Variants in NPAT observed in about 807,000 individuals in gnomAD.
NPAT encodes nuclear protein, coactivator of histone transcription.
A neutral mutation model predicts 130.7 loss-of-function variants in NPAT; 52 were observed. That is an observed-to-expected ratio of 0.40 (90% CI 0.32 to 0.50). The LOEUF is 0.50. Among genes scored for constraint, NPAT ranks in the 20% least tolerant of loss-of-function variants. The pLI, the probability that NPAT is intolerant of heterozygous loss-of-function variation, is 0.68. For synonymous variants in NPAT, 580 were observed against 584.8 expected (o/e 0.99, Z 0.12); for missense variants, 1,687 against 1,662.6 (o/e 1.01, Z -0.26).
intron 1 of NPAT, among the ~76,000 whole-genome samples, chr11:108,207,060 C>T (rs1247282054): frequency 6.6e-6 from 1 of 151,546 alleles, no homozygotes; most frequent in Non-Finnish European, 1.5e-5. Context: ...GTGTCCAACT[C>T]TCAGTGAATA....
chr11:108,168,092 G>A (rs913479144), intron 15 of NPAT, among the ~76,000 whole-genome samples: 1 of 152,102 alleles, frequency 6.6e-6, no homozygotes, highest in African/African-American at 2.4e-5. Context: ...GGGAAGCAGG[G>A]AAAATAATGG....
intron 13 of NPAT, chr11:108,171,124 A>ATTTTTT (rs63478164): frequency 4.2e-5 from 4 of 95,832 alleles, no homozygotes; most frequent in Admixed American, 1.5e-4. Context: ...TGAAAAAAGG[A>ATTTTTT]TTTTTTTTTT....
intron 1 of NPAT, among the ~76,000 whole-genome samples, chr11:108,201,913 T>G (rs1221066672): frequency 6.6e-6 from 1 of 152,108 alleles, no homozygotes; most frequent in Non-Finnish European, 1.5e-5. Flanking sequence ...TGAAGAAACC[T>G]CCTTAGAGAA....
intron 15 of NPAT, among the ~76,000 whole-genome samples, chr11:108,164,082 AG>A (rs2077878593): frequency 1.3e-5 from 2 of 152,236 alleles, no homozygotes; most frequent in African/African-American, 4.8e-5. Context: ...GAAGCAGAAT[AG>A]GTTATGTACT....
At chr11:108,217,999 TAAATA>T (rs2078449772) in intron 1 of NPAT, among the ~76,000 whole-genome samples, 1 of 152,088 alleles carries the variant, frequency 6.6e-6, no homozygotes, top group Non-Finnish European at 1.5e-5. Context: ...TCTCAAGAAA[TAAATA>T]AATAAAATAG....
chr11:108,168,306 G>T (rs1285350183), intron 15 of NPAT, among the ~76,000 whole-genome samples: 1 of 152,162 alleles, frequency 6.6e-6, no homozygotes, highest in Non-Finnish European at 1.5e-5. Context: ...AAAGTCCACT[G>T]ATAGGACATA....
In NPAT at chr11:108,168,134, G is replaced by A. The variant is rs75176448; in HGVS notation, c.3010+1610C>T. Among the ~76,000 whole-genome samples, 1,102 of 152,150 alleles carry A rather than the reference G, an allele frequency of 7.2e-3. 5 individuals carry two copies. The highest frequency in any genetic ancestry group is 0.013 in the Non-Finnish European group (887 of 68,000). On this transcript the variant is annotated intron_variant, in intron 15 of 17. Coordinates refer to ENST00000278612, the MANE Select transcript of NPAT (RefSeq NM_002519.3). ...TATAAATTTTCTTCTCTATGACTCA[G>A]AAATTCTGGGTCATAGAGAAGATAT... is the stretch of plus-strand genomic sequence containing the variant.
At position 108,199,583 on chromosome 11, in the gene NPAT, G is replaced by A. The variant is rs616581; in HGVS notation, c.38-2163C>T. Among the ~76,000 whole-genome samples the A allele has an allele frequency of 5.1e-3, 779 of 152,260 alleles. 11 individuals are homozygous for A. The highest frequency in any genetic ancestry group is 0.018 in the African/African-American group (744 of 41,550). On this transcript the variant is annotated intron_variant, in intron 1 of 17. Transcript: ENST00000278612. The stretch of plus-strand genomic sequence containing the variant: ...TCACATTTTTTTTCCAAAAACGGAT[G>A]AAGCACTGGGCCTCTGTCAGCCAGT...
chr11:108,195,467 T>G (rs909962116), intron 2 of NPAT, among the ~76,000 whole-genome samples: 5 of 152,242 alleles, frequency 3.3e-5, no homozygotes, highest in African/African-American at 1.2e-4. Context: ...GAAGATCTTT[T>G]CATATGCTTA....
intron 15 of NPAT, among the ~76,000 whole-genome samples, chr11:108,164,216 T>C (rs986223777): frequency 3.3e-5 from 5 of 152,164 alleles, no homozygotes; most frequent in African/African-American, 1.2e-4. Flanking sequence ...TGGAATAGTT[T>C]GAAGGAGGAA....
intron 12 of NPAT, 70 bp from the exon 13 acceptor site, chr11:108,173,921 T>C (rs767198548): frequency 9.4e-6 from 13 of 1,376,970 alleles, no homozygotes; most frequent in Admixed American, 3.4e-5. Context: ...ATTTTTGCCA[T>C]AAAACTTATT....
intron 6 of NPAT, among the ~76,000 whole-genome samples, chr11:108,188,857 T>C (rs1019568905): frequency 1.3e-5 from 2 of 152,154 alleles, no homozygotes; most frequent in African/African-American, 4.8e-5. Context: ...TTTCTCTTAA[T>C]GCCAAAAATT....
chr11:108,197,328 C>G lies in NPAT; in HGVS notation c.130G>C (p.Glu44Gln), dbSNP rs754673164. The G allele has an allele frequency of 6.2e-7, 1 of 1,609,614 alleles. No individual in the cohort carries two copies. Among genetic ancestry groups the G allele is most frequent in the South Asian group, 1.1e-5 (1 of 90,988 alleles). Residue 44 changes from glutamate to glutamine, a missense_variant, in exon 2 of 18, where the codon GAA becomes CAA. Around this residue, in one of 3 missense-constraint regions of NPAT, gnomAD observed 307 missense variants for 298.9 expected, o/e 1.03. Transcript: ENST00000278612. ...AGTAAGCAGGCTGGAATAAACCCTTCATCTGTACAATGTTCTGCATATTCT... is the reference window on the plus strand; with the variant it reads ...AGTAAGCAGGCTGGAATAAACCCTTGATCTGTACAATGTTCTGCATATTCT... The part of the protein sequence containing the change: ...LKEYAEHCTD[E>Q]GFIPACLLSL...
chr11:108,170,059 T>G lies in NPAT; in HGVS notation c.2786-16A>C. ...ATGGCAGATCCTAAAAAAACAATTC[T>G]TGTTAAAAAAAGATTTTCTCTGAAA... On this transcript the variant is annotated splice_polypyrimidine_tract_variant and intron_variant, in intron 13 of 17. Transcript: ENST00000278612. The G allele has an allele frequency of 1.3e-6, 2 of 1,536,810 alleles. No individual in the cohort carries two copies. Among genetic ancestry groups the G allele is most frequent in the Non-Finnish European group, 1.8e-6 (2 of 1,110,184 alleles).
intron 7 of NPAT, among the ~76,000 whole-genome samples, chr11:108,187,805 G>T (rs778169908): frequency 6.6e-6 from 1 of 151,996 alleles, no homozygotes; most frequent in Admixed American, 6.6e-5. Flanking sequence ...AAAAAACATG[G>T]ATTGCAAAAA....
intron 12 of NPAT, 123 bp from the exon 13 acceptor site, chr11:108,173,974 G>T: frequency 3.7e-6 from 3 of 817,882 alleles, no homozygotes; most frequent in South Asian, 2.9e-5. Flanking sequence ...GTAAGTGGAA[G>T]TCTGATACGC....
At chr11:108,188,982 GTCTC>G in intron 6 of NPAT, 120 bp downstream of exon 6, 1 of 770,068 alleles carries the variant, frequency 1.3e-6, no homozygotes, top group South Asian at 1.5e-5. Flanking sequence ...TCCACTTTTA[GTCTC>G]TCTCATCTTT....
chr11:108,179,677 G>A lies in NPAT; in HGVS notation c.907-2587C>T, dbSNP rs111637018. ...AGAAATCATAAGGGAGGCCAGGCATGGTGGTTCACACCAATAATCCCAACA... is the reference window on the plus strand; with the variant it reads ...AGAAATCATAAGGGAGGCCAGGCATAGTGGTTCACACCAATAATCCCAACA... On this transcript the variant is annotated intron_variant, in intron 10 of 17. Coordinates refer to ENST00000278612, the MANE Select transcript of NPAT (RefSeq NM_002519.3). 2.7e-3 allele frequency among the ~76,000 whole-genome samples: 405 copies of A among 152,294 alleles called. 3 individuals carry two copies. The highest frequency in any genetic ancestry group is 9.4e-3 in the African/African-American group (392 of 41,548).
rs1131748 is a variant in NPAT at position 108,185,255 on chromosome 11, T to C, written c.883A>G (p.Ile295Val). Residue 295 changes from isoleucine (I) to valine (V), a missense_variant, in exon 10 of 18, where the codon ATT (isoleucine) becomes GTT (valine). By Grantham distance (29) the Ile-to-Val change is conservative (BLOSUM62 3). This residue lies in a region of NPAT where 1,379 missense variants were observed against 1,346.6 expected (regional missense o/e 1.02). Transcript: ENST00000278612. ...DNNPTEPETS[I>V]DEFLGLPSEI... ...ACCGGAAGTCCTAGGAATTCATCAATTGAAGTCTCTGGCTCCGTAGGGTTG... is the reference window on the plus strand; with the variant it reads ...ACCGGAAGTCCTAGGAATTCATCAACTGAAGTCTCTGGCTCCGTAGGGTTG... The C allele has an allele frequency of 3.1e-6, 5 of 1,611,988 alleles. No homozygotes were observed. The highest frequency in any genetic ancestry group is 1.6e-4 in the Middle Eastern group (1 of 6,080).
Sources: gnomAD v4.1 joint callset for allele counts (sites outside exome capture counted in the v4.1 genomes callset) on GRCh38, gnomAD v4.1.1 for gene constraint, gnomAD v4.1.1 regional missense constraint, MANE v1.5 for transcripts, NCBI Gene and HGNC (gene_info 2026-07-23, HGNC 2026-07-21) for gene names.